CDCA5: variants seen among roughly 807,000 people sequenced by gnomAD.
The protein encoded by CDCA5 is cell division cycle associated 5.
In CDCA5, 14 loss-of-function variants were observed where a neutral mutation model predicts 25.7. The observed-to-expected ratio is 0.54, with a 90% CI of 0.36 to 0.85. CDCA5 has a LOEUF of 0.85. Ranked by LOEUF, CDCA5 falls within the 40% of genes least tolerant of loss-of-function variation. The probability of loss-of-function intolerance (pLI) is 0.01; values close to 1 mark genes in which losing one functional copy is unlikely to be tolerated. For missense variants in CDCA5, 307 were observed against 324.5 expected (o/e 0.95, Z 0.41); for synonymous variants, 127 against 128.7 (o/e 0.99, Z 0.09).
At chr11:65,076,936 G>A (rs939151809), downstream of CDCA5, among the ~76,000 whole-genome samples, 25 of 152,250 alleles carry the variant, frequency 1.6e-4, no homozygotes, top group South Asian at 1.0e-3. Flanking sequence ...CCCCAGACCC[G>A]ACTTTCTTCC....
downstream of CDCA5, among the ~76,000 whole-genome samples, chr11:65,074,738 CAAAAAAAA>C (rs141129265): frequency 1.1e-4 from 4 of 38,016 alleles, no homozygotes; most frequent in Non-Finnish European, 1.5e-4. Context: ...GACCTTGTCT[CAAAAAAAA>C]AAAAAAAAAA....
chr11:65,079,566 G>C lies in CDCA5; in HGVS notation c.465C>G (p.Ala155=). Reference sequence around the variant, plus strand: ...ACCGGCGGCCTGGGGTGGAGGTAGAGGCAGAGCCCAGGGTCTCCAGCCGGC... The same window carrying C: ...ACCGGCGGCCTGGGGTGGAGGTAGACGCAGAGCCCAGGGTCTCCAGCCGGC... ...SYSRLETLGS[A]STSTPGRRSC... The change falls in exon 5 of 6, where the codon GCC becomes GCG. Residue 155 remains alanine, a synonymous_variant. Transcript: ENST00000275517. 6.2e-7 allele frequency: 1 copy of C among 1,614,092 alleles called. No individual in the cohort carries two copies.
In CDCA5 at chr11:65,079,710, G is replaced by A. The variant is rs189457477; in HGVS notation, c.321C>T (p.Ser107=). The A allele has an allele frequency of 1.0e-5, 16 of 1,555,532 alleles. No homozygotes were observed. Among genetic ancestry groups the A allele is most frequent in the East Asian group, 4.6e-5 (2 of 43,610 alleles). ...LTKEDLFKTH[S]VPATPTSTPV... ...GAGTGCTGGTGGGGGTGGCAGGGAC[G>A]CTGTGTGTCTTGAAAAGGTCCTCCT... Residue 107 remains serine, a synonymous_variant, in exon 5 of 6, where the codon AGC becomes AGT. Coordinates refer to ENST00000275517, the MANE Select transcript of CDCA5 (RefSeq NM_080668.4).
In CDCA5 at chr11:65,079,380, AC is replaced by A. The variant is rs754071624; in HGVS notation, c.650del (p.Arg217LeufsTer10). On this transcript the variant is annotated frameshift_variant, in exon 5 of 6. Transcript: ENST00000275517. LOFTEE classifies it high-confidence loss of function. ...GISPPPEKQK[R>X]KKKKMPEILK... ...AGATCTCTGGCATTTTCTTCTTCTT[AC>A]GTTTCTGTTTCTCGGGTGGTGGGGA... is the stretch of plus-strand genomic sequence containing the variant. 1.9e-6 allele frequency: 3 copies of A among 1,613,700 alleles called. No individual in the cohort carries two copies. The highest frequency in any genetic ancestry group is 2.2e-5 in the South Asian group (2 of 91,042).
downstream of CDCA5, among the ~76,000 whole-genome samples, chr11:65,074,617 T>C (rs2137098752): frequency 6.6e-6 from 1 of 151,838 alleles, no homozygotes; most frequent in Middle Eastern, 3.4e-3. Context: ...CACGTGCCTG[T>C]AGTCTCAGCT....
At chr11:65,070,495 T>A (rs1352600055) in intron 1 of CDCA5, among the ~76,000 whole-genome samples, 1 of 152,232 alleles carries the variant, frequency 6.6e-6, no homozygotes, top group Non-Finnish European at 1.5e-5. Context: ...AGACTTTATT[T>A]ACTTTTGAGA....
rs192755142 is a variant in CDCA5 at position 65,083,895 on chromosome 11, C to T, written c.46+38G>A. ...CTTTCACCGGACTGCGTCCCCCAAA[C>T]GGCTCGACCTCACGTCTCCCGCGCG... On this transcript the variant is annotated intron_variant, in intron 1 of 5. Coordinates refer to ENST00000275517, the MANE Select transcript of CDCA5 (RefSeq NM_080668.4). The T allele has an allele frequency of 7.0e-5, 113 of 1,608,790 alleles. 1 individual carries two copies. The African/African-American group carries it at 8.3e-4, about 12-fold the overall frequency.
chr11:65,061,351 C>T (rs1018696703), downstream of CDCA5, among the ~76,000 whole-genome samples: 4 of 152,244 alleles, frequency 2.6e-5, no homozygotes, highest in Non-Finnish European at 5.9e-5. Flanking sequence ...GGAATCTTGA[C>T]TGCAGCCTCA....
intron 4 of CDCA5, among the ~76,000 whole-genome samples, chr11:65,067,347 C>A (rs1947258512): frequency 6.6e-6 from 1 of 152,146 alleles, no homozygotes; most frequent in Non-Finnish European, 1.5e-5. Flanking sequence ...AGGTCTATGG[C>A]CTGGAAGCCT....
chr11:65,072,144 C>T (rs1250103331), intron 1 of CDCA5, among the ~76,000 whole-genome samples: 1 of 152,196 alleles, frequency 6.6e-6, no homozygotes, highest in African/African-American at 2.4e-5. Flanking sequence ...TGACCAACTC[C>T]GTTAGAGAGA....
chr11:65,071,459 G>A (rs973812521), intron 1 of CDCA5, among the ~76,000 whole-genome samples: 1 of 150,520 alleles, frequency 6.6e-6, no homozygotes, highest in Non-Finnish European at 1.5e-5. Flanking sequence ...CAATTCTCCT[G>A]CCTCAGCCTC....
downstream of CDCA5, among the ~76,000 whole-genome samples, chr11:65,064,631 C>CA (rs1452508503): frequency 6.6e-6 from 1 of 152,114 alleles, no homozygotes. Flanking sequence ...GGCCCCTGGT[C>CA]AAGGACAGGT....
intron 1 of CDCA5, among the ~76,000 whole-genome samples, chr11:65,070,246 G>A (rs909448243): frequency 1.3e-5 from 2 of 152,218 alleles, no homozygotes; most frequent in African/African-American, 4.8e-5. Flanking sequence ...AGACACTGGG[G>A]CCAGGATGCC....
At chr11:65,071,925 C>T (rs1247531332) in intron 1 of CDCA5, among the ~76,000 whole-genome samples, 1 of 152,172 alleles carries the variant, frequency 6.6e-6, no homozygotes, top group African/African-American at 2.4e-5. Context: ...TGCAGGAAAT[C>T]GGGCTCAGCC....
intron 1 of CDCA5, chr11:65,068,710 C>G: frequency 2.0e-6 from 1 of 499,738 alleles, no homozygotes; most frequent in Non-Finnish European, 3.4e-6. Context: ...GAGCGTCTAT[C>G]ACCAGCTCTG....
intron 1 of CDCA5, among the ~76,000 whole-genome samples, chr11:65,069,121 T>C (rs1947295091): frequency 6.6e-6 from 1 of 151,240 alleles, no homozygotes; most frequent in Non-Finnish European, 1.5e-5. Context: ...GTGCCTGTAG[T>C]CTCAGCCACT....
At chr11:65,066,492 C>T (rs759355554) in intron 6 of CDCA5, 45 of 1,288,802 alleles carry the variant, frequency 3.5e-5, no homozygotes, top group South Asian at 2.0e-4. Context: ...AGAGACAGCT[C>T]GAGTGAGCAG....
At chr11:65,081,415 G>A (rs538977653) in intron 4 of CDCA5, among the ~76,000 whole-genome samples, 1 of 150,160 alleles carries the variant, frequency 6.7e-6, no homozygotes, top group Non-Finnish European at 1.5e-5. Flanking sequence ...GTGACAGTGC[G>A]AGACTCCATC....
At chr11:65,082,950 G>C (rs1344279128) in intron 4 of CDCA5, among the ~76,000 whole-genome samples, 1 of 152,002 alleles carries the variant, frequency 6.6e-6, no homozygotes, top group African/African-American at 2.4e-5. Flanking sequence ...GCTCTTCAAA[G>C]GAGTTCACAT....
Sources: allele counts gnomAD v4.1 joint callset (sites outside exome capture counted in the v4.1 genomes callset), GRCh38; gene constraint gnomAD v4.1.1; transcripts MANE v1.5; gene names NCBI Gene and HGNC (gene_info 2026-07-23, HGNC 2026-07-21).